Variants in PDE4D observed in about 807,000 individuals in gnomAD.
PDE4D encodes 3',5'-cyclic-AMP phosphodiesterase 4D.
A neutral mutation model predicts 87.4 loss-of-function variants in PDE4D; 24 were observed. That is an observed-to-expected ratio of 0.27 (90% CI 0.20 to 0.39). PDE4D has a LOEUF of 0.39. Ranked by LOEUF, PDE4D falls within the 10% of genes least tolerant of loss-of-function variation. The pLI is 1.00. For missense variants in PDE4D, 714 were observed against 1,041.0 expected, an observed-to-expected ratio of 0.69 and a Z score of 4.32; for synonymous variants, 384 against 383.2, an observed-to-expected ratio of 1.00 and a Z score of -0.02.
intron 5 of PDE4D, chr5:59,157,014 T>TAA (rs11444928): frequency 0.022 from 4,286 of 190,798 alleles, 24 homozygotes; most frequent in African/African-American, 0.037. Context: ...CTTCATTAAT[T>TAA]AAAAAAAAAA....
At chr5:59,650,195 T>A (rs1464640685) in intron 1 of PDE4D, among the ~76,000 whole-genome samples, 1 of 152,064 alleles carries the variant, frequency 6.6e-6, no homozygotes, top group African/African-American at 2.4e-5. Context: ...GATTAACTCT[T>A]ACCTACATGT....
intron 1 of PDE4D, among the ~76,000 whole-genome samples, chr5:60,295,336 GT>G (rs981817219): frequency 6.6e-6 from 1 of 152,148 alleles, no homozygotes; most frequent in African/African-American, 2.4e-5. Flanking sequence ...AATTGTATGA[GT>G]TTTAATTATT....
chr5:59,438,681 C>T (rs1057239588), intron 1 of PDE4D, among the ~76,000 whole-genome samples: 2 of 152,138 alleles, frequency 1.3e-5, no homozygotes, highest in African/African-American at 4.8e-5. Flanking sequence ...TACAATGTTG[C>T]CTCAACCACT....
intron 1 of PDE4D, among the ~76,000 whole-genome samples, chr5:60,256,039 A>C (rs900732040): frequency 6.6e-6 from 1 of 151,936 alleles, no homozygotes; most frequent in Non-Finnish European, 1.5e-5. Context: ...TTGCATTTGG[A>C]ATCTCAGAAT....
intron 2 of PDE4D, among the ~76,000 whole-genome samples, chr5:60,130,843 A>G (rs949069982): frequency 2.6e-5 from 4 of 152,216 alleles, no homozygotes; most frequent in African/African-American, 9.6e-5. Context: ...TGGTGTTTTA[A>G]TATTGTTAAG....
chr5:60,497,621 C>T (rs1272619552), intron 1 of PDE4D, among the ~76,000 whole-genome samples: 2 of 152,042 alleles, frequency 1.3e-5, no homozygotes, highest in African/African-American at 4.8e-5. Flanking sequence ...CCAGGCTGAT[C>T]TCAAACCCCT....
At chr5:59,990,276 C>G (rs538874607) in intron 2 of PDE4D, among the ~76,000 whole-genome samples, 2 of 152,144 alleles carry the variant, frequency 1.3e-5, no homozygotes, top group Non-Finnish European at 2.9e-5. Flanking sequence ...ATTTGAAGCA[C>G]CAATATCTGG....
At chr5:59,154,081 T>C (rs1561580758) in intron 5 of PDE4D, among the ~76,000 whole-genome samples, 1 of 152,094 alleles carries the variant, frequency 6.6e-6, no homozygotes, top group Non-Finnish European at 1.5e-5. Context: ...CATATCTGGA[T>C]AGGGGCTTTG....
At chr5:60,129,520 G>A (rs1779396279) in intron 2 of PDE4D, among the ~76,000 whole-genome samples, 1 of 152,136 alleles carries the variant, frequency 6.6e-6, no homozygotes, top group Admixed American at 6.6e-5. Context: ...CTCCCAGGTA[G>A]GACCAGCTAC....
Position 59,625,361 on chromosome 5 carries a change from G to A in PDE4D, c.455+267807C>T, listed in dbSNP as rs558521679. Among the ~76,000 whole-genome samples, 9 of 152,246 alleles carry A rather than the reference G, an allele frequency of 5.9e-5. No homozygotes were observed. The South Asian group carries it at 1.7e-3, about 28-fold the overall frequency. On this transcript the variant is annotated intron_variant, in intron 1 of 14. Transcript: ENST00000340635. Reference sequence around the variant, plus strand: ...CAAGAAACTGAATTCTTCCAACAGTGGCAGTAATGATCTTGAGAGATGACC... The same window carrying A: ...CAAGAAACTGAATTCTTCCAACAGTAGCAGTAATGATCTTGAGAGATGACC...
intron 1 of PDE4D, among the ~76,000 whole-genome samples, chr5:59,409,960 T>C (rs1792366065): frequency 6.6e-6 from 1 of 152,202 alleles, no homozygotes; most frequent in East Asian, 1.9e-4. Flanking sequence ...AGTAAGTATA[T>C]GAATTTATGG....
intron 1 of PDE4D, among the ~76,000 whole-genome samples, chr5:59,811,033 T>C (rs1332920895): frequency 6.6e-6 from 1 of 152,114 alleles, no homozygotes; most frequent in Non-Finnish European, 1.5e-5. Context: ...ATAAAGGAGC[T>C]AAACGGAGGC....
chr5:60,336,992 T>C (rs1757806542), intron 1 of PDE4D, among the ~76,000 whole-genome samples: 1 of 152,056 alleles, frequency 6.6e-6, no homozygotes, highest in African/African-American at 2.4e-5. Flanking sequence ...AACATTATTC[T>C]GGAAAGTTGT....
chr5:59,489,141 T>A (rs758763746), intron 1 of PDE4D, among the ~76,000 whole-genome samples: 1 of 151,802 alleles, frequency 6.6e-6, no homozygotes, highest in Non-Finnish European at 1.5e-5. Context: ...AAAAATTAGC[T>A]GAGTGTGGTA....
intron 1 of PDE4D, among the ~76,000 whole-genome samples, chr5:59,508,553 G>A (rs12186707): frequency 0.094 from 14,232 of 151,394 alleles, 924 homozygotes; most frequent in Non-Finnish European, 0.14. Flanking sequence ...AAAAAATATA[G>A]AAAATGCATA....
chr5:59,723,865 C>T (rs980356329), intron 1 of PDE4D, among the ~76,000 whole-genome samples: 4 of 152,142 alleles, frequency 2.6e-5, no homozygotes, highest in African/African-American at 9.6e-5. Context: ...TAGTTAATTA[C>T]ATTAAACAAT....
At chr5:59,257,987 C>T (rs1189957073) in intron 1 of PDE4D, among the ~76,000 whole-genome samples, 1 of 151,886 alleles carries the variant, frequency 6.6e-6, no homozygotes, top group African/African-American at 2.4e-5. Flanking sequence ...AGGTAGGAAA[C>T]CCATCATTTC....
chr5:60,119,286 T>A (rs1778448622), intron 2 of PDE4D, among the ~76,000 whole-genome samples: 1 of 152,160 alleles, frequency 6.6e-6, no homozygotes, highest in Non-Finnish European at 1.5e-5. Flanking sequence ...AGTTTACAAT[T>A]TGACTGAACA....
chr5:60,486,992 G>A (rs1749194884), intron 1 of PDE4D, among the ~76,000 whole-genome samples: 1 of 152,140 alleles, frequency 6.6e-6, no homozygotes. Flanking sequence ...TATTTTTTAT[G>A]ATAGGCTAGG....
Sources: gnomAD v4.1 joint callset for allele counts (sites outside exome capture counted in the v4.1 genomes callset) on GRCh38, gnomAD v4.1.1 for gene constraint, MANE v1.5 for transcripts, NCBI Gene and HGNC (gene_info 2026-07-23, HGNC 2026-07-21) for gene names.